Variants in SKI observed in about 807,000 individuals in gnomAD.
SKI encodes the protein SKI proto-oncogene.
In SKI, 23 loss-of-function variants were observed where a neutral mutation model predicts 59.3. The ratio of observed to expected loss-of-function variants is 0.39; its 90% CI spans 0.28 to 0.55. SKI has a LOEUF of 0.55. Among genes scored for constraint, SKI ranks in the 20% least tolerant of loss-of-function variants. The pLI, the probability that SKI is intolerant of heterozygous loss-of-function variation, is 0.67. For synonymous variants in SKI, 673 were observed against 488.6 expected, an observed-to-expected ratio of 1.38 and a Z score of -4.98; for missense variants, 1,017 against 1,038.9, an observed-to-expected ratio of 0.98 and a Z score of 0.29.
At chr1:2,256,604 T>C (rs2100831844) in intron 1 of SKI, among the ~76,000 whole-genome samples, 1 of 152,352 alleles carries the variant, frequency 6.6e-6, no homozygotes, top group South Asian at 2.1e-4. Flanking sequence ...GTTGGGTGCC[T>C]GGGAGGCACG....
At chr1:2,237,276 C>T (rs1443233739) in intron 1 of SKI, among the ~76,000 whole-genome samples, 1 of 152,204 alleles carries the variant, frequency 6.6e-6, no homozygotes, top group Non-Finnish European at 1.5e-5. Flanking sequence ...GGTGCTGGCG[C>T]TGCCTCTGTC....
chr1:2,299,201 C>T (rs920874422), intron 1 of SKI, among the ~76,000 whole-genome samples: 21 of 152,206 alleles, frequency 1.4e-4, no homozygotes, highest in Non-Finnish European at 2.2e-4. Flanking sequence ...GGAGAAGGCC[C>T]GGAGCTGTGG....
Position 2,303,641 on chromosome 1 carries a change from G to T in SKI, c.1212-199G>T. The T allele has an allele frequency of 1.3e-6, 1 of 756,206 alleles. No homozygotes were observed. The highest frequency in any genetic ancestry group is 2.1e-6 in the Non-Finnish European group (1 of 466,026). The allele number at this position is 756,206 out of a possible 1,614,324, so 46.8% of individuals were successfully genotyped here. ...GCTGGGCGCAGCTTCTTGATGTGTT[G>T]GCCTGTGTCTGGCCTTCGCAAGAGA... On this transcript the variant is annotated intron_variant, in intron 3 of 6. Coordinates refer to ENST00000378536, the MANE Select transcript of SKI (RefSeq NM_003036.4). This position sits in a 1 kb window ranked among gnomAD's most constrained non-coding sequence, Gnocchi z 5.6.
intron 1 of SKI, among the ~76,000 whole-genome samples, chr1:2,247,307 G>A (rs1225588284): frequency 6.8e-6 from 1 of 147,946 alleles, no homozygotes; most frequent in Non-Finnish European, 1.5e-5. Context: ...AAGGGCCTGG[G>A]TCAGGGGCGC....
chr1:2,246,986 G>T (rs1639014040), intron 1 of SKI, among the ~76,000 whole-genome samples: 1 of 152,220 alleles, frequency 6.6e-6, no homozygotes, highest in African/African-American at 2.4e-5. Flanking sequence ...ACTTTGGGAG[G>T]CTGAGGCCAG....
intron 1 of SKI, among the ~76,000 whole-genome samples, chr1:2,261,871 C>G (rs1214239453): frequency 2.0e-5 from 3 of 146,532 alleles, no homozygotes; most frequent in African/African-American, 7.7e-5. Context: ...AGTGGACGCC[C>G]TCACTCCTGA....
chr1:2,246,042 C>T (rs1319223836), intron 1 of SKI, among the ~76,000 whole-genome samples: 7 of 152,108 alleles, frequency 4.6e-5, no homozygotes, highest in Admixed American at 1.3e-4. Flanking sequence ...GCCGTCATCC[C>T]GCCTCGGCCT....
chr1:2,301,313 CA>C (rs1640419326), intron 1 of SKI, among the ~76,000 whole-genome samples: 1 of 152,236 alleles, frequency 6.6e-6, no homozygotes, highest in Admixed American at 6.5e-5. Context: ...GGGGTATTTT[CA>C]GTGTCTTTTT....
chr1:2,287,392 A>G (rs977669484), intron 1 of SKI, among the ~76,000 whole-genome samples: 5 of 145,938 alleles, frequency 3.4e-5, no homozygotes, highest in African/African-American at 1.3e-4. Context: ...GCTGGAGGGC[A>G]GTGGCGCGAT....
In SKI at chr1:2,268,231, C is replaced by G. The variant is rs1048984953; in HGVS notation, c.970-34747C>G. On this transcript the variant is annotated intron_variant, in intron 1 of 6. Transcript: ENST00000378536. The surrounding 1 kb of genome is among the most constrained non-coding windows in gnomAD (Gnocchi z 5.0). ...CTTGGGGGCCGGCGTCGCCTCCCTG[C>G]TGCTCCTACTGTGTGCTTTCTTGCC... Among the ~76,000 whole-genome samples, 4 of 152,194 alleles carry G rather than the reference C, an allele frequency of 2.6e-5. No individual in the cohort carries two copies. Among genetic ancestry groups the G allele is most frequent in the African/African-American group, 9.6e-5 (4 of 41,466 alleles).
rs1639564449 is a variant in SKI, at chr1:2,269,226, T to C, written c.970-33752T>C. ...CCTCCCAAAGTGTTGGGATGACAGG[T>C]GTGAGCCACCGTGCCTGGCCCATGT... is the stretch of plus-strand genomic sequence containing the variant. On this transcript the variant is annotated intron_variant, in intron 1 of 6. Transcript: ENST00000378536. The surrounding 1 kb of genome is among the most constrained non-coding windows in gnomAD (Gnocchi z 4.7). 6.6e-6 allele frequency among the ~76,000 whole-genome samples: 1 copy of C among 152,116 alleles called. No individual in the cohort carries two copies. Among genetic ancestry groups the C allele is most frequent in the Non-Finnish European group, 1.5e-5 (1 of 68,024 alleles).
At chr1:2,302,785 G>A (rs1218481279) in intron 1 of SKI, among the ~76,000 whole-genome samples, 193 bp from the exon 2 acceptor site, 2 of 152,210 alleles carry the variant, frequency 1.3e-5, no homozygotes, top group African/African-American at 4.8e-5. Context: ...CCTGTTGCGC[G>A]TGGCCTAAGG....
intron 1 of SKI, among the ~76,000 whole-genome samples, chr1:2,257,464 G>A (rs1179438335): frequency 1.6e-4 from 25 of 152,234 alleles, no homozygotes; most frequent in Admixed American, 1.1e-3. Flanking sequence ...GCGCGTCGGC[G>A]TGGCTCCCTA....
intron 1 of SKI, among the ~76,000 whole-genome samples, chr1:2,301,079 G>A (rs1481335200): frequency 6.6e-5 from 10 of 152,280 alleles, no homozygotes; most frequent in Non-Finnish European, 1.5e-4. Context: ...TAACTGAGCC[G>A]AATTTCCGCG....
chr1:2,266,037 C>G (rs1639493911), intron 1 of SKI, among the ~76,000 whole-genome samples: 1 of 152,132 alleles, frequency 6.6e-6, no homozygotes, highest in South Asian at 2.1e-4. Context: ...TTGGAGGCAG[C>G]TTGATCCTTT....
chr1:2,305,910 G>A (rs973735169), intron 5 of SKI, 110 bp from the exon 6 acceptor site: 2 of 872,590 alleles, frequency 2.3e-6, no homozygotes, highest in Admixed American at 2.0e-5. Flanking sequence ...GGGCTCCAGG[G>A]CACATTGTCA....
rs977280010 is a variant in SKI at position 2,267,187 on chromosome 1, G to T, written c.970-35791G>T. Among the ~76,000 whole-genome samples the T allele has an allele frequency of 6.6e-6, 1 of 152,210 alleles. No individual in the cohort carries two copies. Reference sequence around the variant, plus strand: ...ACTGCATCGAGCCAGCACTGAACTGGTTTTGTAACAAGCTTGGTGTCCATA... The same window carrying T: ...ACTGCATCGAGCCAGCACTGAACTGTTTTTGTAACAAGCTTGGTGTCCATA... On this transcript the variant is annotated intron_variant, in intron 1 of 6. Transcript: ENST00000378536. This position sits in a 1 kb window ranked among gnomAD's most constrained non-coding sequence, Gnocchi z 4.1.
intron 1 of SKI, among the ~76,000 whole-genome samples, chr1:2,272,813 T>C (rs547888194): frequency 6.6e-6 from 1 of 151,726 alleles, no homozygotes; most frequent in African/African-American, 2.4e-5. Flanking sequence ...GGTGAGGCAG[T>C]TCTCACCACG....
intron 1 of SKI, among the ~76,000 whole-genome samples, chr1:2,243,492 C>G (rs1638924113): frequency 6.6e-6 from 1 of 152,244 alleles, no homozygotes. Flanking sequence ...CTGGCTGACT[C>G]ACTGTGTCAG....
Sources: gnomAD v4.1 joint callset for allele counts (sites outside exome capture counted in the v4.1 genomes callset) on GRCh38, gnomAD v4.1.1 for gene constraint, Gnocchi (gnomAD v3.1) non-coding constraint, MANE v1.5 for transcripts, NCBI Gene and HGNC (gene_info 2026-07-23, HGNC 2026-07-21) for gene names.